The following RFWD3 variants were observed in gnomAD, a reference collection of about 807,000 sequenced individuals.
RFWD3 encodes E3 ubiquitin-protein ligase RFWD3.
Under a neutral mutation model 87.7 loss-of-function variants are expected in RFWD3, and 65 were observed. The ratio of observed to expected loss-of-function variants is 0.74; its 90% CI spans 0.61 to 0.91. RFWD3 has a LOEUF of 0.91. Ranked by LOEUF, RFWD3 falls within the 40% of genes least tolerant of loss-of-function variation. The pLI, the probability that RFWD3 is intolerant of heterozygous loss-of-function variation, is 0.00. For missense variants in RFWD3, 1,078 were observed against 938.5 expected (o/e 1.15, Z -1.94); for synonymous variants, 433 against 352.8 (o/e 1.23, Z -2.55).
chr16:74,652,031 C>A lies in RFWD3; in HGVS notation c.610G>T (p.Val204Leu). 6.2e-7 allele frequency: 1 copy of A among 1,614,132 alleles called. No homozygotes were observed. Among genetic ancestry groups the A allele is most frequent in the Non-Finnish European group, 8.5e-7 (1 of 1,180,008 alleles). Residue 204 changes from valine (V) to leucine (L), a missense_variant, in exon 3 of 13, where the codon GTA becomes TTA. Coordinates refer to ENST00000361070, the MANE Select transcript of RFWD3 (RefSeq NM_018124.4). The part of the protein sequence containing the change: ...TTYDSETRNP[V>L]SEELQVSSSS... ...CTAGACACCTGCAACTCTTCAGATACAGGATTCCTAGTCTCTGAATCATAA... is the reference window on the plus strand; with the variant it reads ...CTAGACACCTGCAACTCTTCAGATAAAGGATTCCTAGTCTCTGAATCATAA...
chr16:74,632,513 A>C lies in RFWD3; in HGVS notation c.1577+10T>G, dbSNP rs1429749924. 3.7e-6 allele frequency: 6 copies of C among 1,613,514 alleles called. No homozygotes were observed. The South Asian group carries it at 5.5e-5, about 15-fold the overall frequency. ...AGCCCAGTCTCCACCTACTTCCCCA[A>C]ATCACTCACCTGGTCAGTTTAATAG... On this transcript the variant is annotated intron_variant, in intron 9 of 12. Transcript: ENST00000361070.
chr16:74,645,267 GA>G (rs1183570178), intron 4 of RFWD3, among the ~76,000 whole-genome samples: 1 of 152,184 alleles, frequency 6.6e-6, no homozygotes, highest in Non-Finnish European at 1.5e-5. Flanking sequence ...CACATTTCTG[GA>G]GCACCATTTG....
chr16:74,644,000 A>G (rs926156690), intron 6 of RFWD3: 2 of 287,556 alleles, frequency 7.0e-6, no homozygotes, highest in Non-Finnish European at 1.4e-5. Flanking sequence ...TGTGCTTCCG[A>G]AATCCTGGTA....
At chr16:74,627,720 T>C (rs551658420) in intron 11 of RFWD3, among the ~76,000 whole-genome samples, 36 of 152,176 alleles carry the variant, frequency 2.4e-4, no homozygotes, top group Non-Finnish European at 4.3e-4. Context: ...TGGTCATGGG[T>C]CAGGCAGGCA....
Position 74,630,957 on chromosome 16 carries a change from G to A in RFWD3, c.1578C>T (p.Ser526=), listed in dbSNP as rs746627849. The A allele has an allele frequency of 6.3e-7, 1 of 1,597,802 alleles. No individual in the cohort carries two copies. Among genetic ancestry groups the A allele is most frequent in the Non-Finnish European group, 8.5e-7 (1 of 1,175,744 alleles). ...ASLDNTIKLT[S]LETNTVVQTY... is the part of the protein sequence containing the mutation. ...TCTGGACCACGGTATTTGTCTCCAG[G>A]CTGTGGAGTTACAAAAGACTTTTAC... is the stretch of plus-strand genomic sequence containing the variant. The change falls in exon 10 of 13, where the codon AGC becomes AGT. Residue 526 remains serine, a splice_region_variant and synonymous_variant. Coordinates refer to ENST00000361070, the MANE Select transcript of RFWD3 (RefSeq NM_018124.4).
intron 6 of RFWD3, among the ~76,000 whole-genome samples, chr16:74,641,431 G>C (rs1959634635): frequency 6.6e-6 from 1 of 150,780 alleles, no homozygotes; most frequent in Non-Finnish European, 1.5e-5. Context: ...TCAAAGTGCT[G>C]GGATTATAGG....
At chr16:74,666,095 G>A (rs992431340) in intron 1 of RFWD3, among the ~76,000 whole-genome samples, 17 of 152,026 alleles carry the variant, frequency 1.1e-4, no homozygotes, top group Admixed American at 7.2e-4. Context: ...AGACGGGAGG[G>A]GAAGGGAGAG....
At chr16:74,636,685 T>A in intron 7 of RFWD3, 108 bp from the exon 8 acceptor site, 1 of 846,346 alleles carries the variant, frequency 1.2e-6, no homozygotes, top group Non-Finnish European at 1.8e-6. Context: ...TATATGAAAG[T>A]GTTAACATGA....
Position 74,649,114 on chromosome 16 carries a change from A to C in RFWD3, c.792+18T>G. ...ATAAATAAATAAATAGATTTTTTTA[A>C]AATGATGTTCATATTACCTGTTTGG... On this transcript the variant is annotated intron_variant, in intron 4 of 12. Coordinates refer to ENST00000361070, the MANE Select transcript of RFWD3 (RefSeq NM_018124.4). The C allele has an allele frequency of 6.5e-7, 1 of 1,526,826 alleles. No individual in the cohort carries two copies. The highest frequency in any genetic ancestry group is 8.9e-7 in the Non-Finnish European group (1 of 1,122,110). The allele number at this position is 1,526,826 out of a possible 1,614,324, so 94.6% of individuals were successfully genotyped here.
chr16:74,628,364 C>A, intron 11 of RFWD3, 88 bp downstream of exon 11: 1 of 1,259,596 alleles, frequency 7.9e-7, no homozygotes, highest in Admixed American at 1.8e-5. Context: ...GGTACCACAG[C>A]CACCCAAAGG....
rs766827430 is a variant in RFWD3, at chr16:74,652,097, A to G, written c.544T>C (p.Phe182Leu). The change falls in exon 3 of 13, where the codon TTT (phenylalanine) becomes CTT (leucine). Residue 182 changes from phenylalanine (F) to leucine (L), a missense_variant. Transcript: ENST00000361070. ...TCAGGCTGGGTCCTGCTCACCTGAA[A>G]GTAAGCATCCAATGGTGCTCTCAAC... ...ARLRAPLDAYFQVSRTQPDLP... is the reference protein window; with the variant it reads ...ARLRAPLDAYLQVSRTQPDLP... The G allele has an allele frequency of 6.2e-7, 1 of 1,614,118 alleles. No individual in the cohort carries two copies. The highest frequency in any genetic ancestry group is 8.5e-7 in the Non-Finnish European group (1 of 1,180,016).
rs775402876 is a variant in RFWD3, at chr16:74,637,979, G to A, written c.1080-9C>T. ...GTTCCTTCAGTAGGGAACTAGAGGG[G>A]GAAAGCCAGCAACAAGTGGGGATTA... On this transcript the variant is annotated splice_polypyrimidine_tract_variant and intron_variant, in intron 6 of 12. Transcript: ENST00000361070. The A allele has an allele frequency of 1.9e-6, 3 of 1,593,854 alleles. No individual in the cohort carries two copies. Among genetic ancestry groups the A allele is most frequent in the Non-Finnish European group, 2.6e-6 (3 of 1,166,144 alleles).
chr16:74,640,160 T>C (rs77312640), intron 6 of RFWD3, among the ~76,000 whole-genome samples: 1 of 151,812 alleles, frequency 6.6e-6, no homozygotes, highest in Admixed American at 6.6e-5. Context: ...TTTTTTTTTT[T>C]TTGAAACAGT....
intron 1 of RFWD3, chr16:74,664,831 G>A: frequency 6.6e-6 from 1 of 152,186 alleles, no homozygotes. Context: ...CATAGGGCGG[G>A]TGACTCCCAT....
At position 74,621,703 on chromosome 16, in the gene RFWD3, GTTTT is replaced by G. The variant is rs143335463; in HGVS notation, c.*2221_*2224del. The G allele has an allele frequency of 2.0e-5, 3 of 149,570 alleles. No homozygotes were observed. Among genetic ancestry groups the G allele is most frequent in the Non-Finnish European group, 3.0e-5 (2 of 67,656 alleles). The allele number at this position is 149,570 out of a possible 1,614,324, so 9.3% of individuals were successfully genotyped here. ...CATCAGGGTTTTTTTTTGTTTGTTT[GTTTT>G]TTTTGAGATGGAGTCTTGCTCTGTC... is the stretch of plus-strand genomic sequence containing the variant. On this transcript the variant is annotated 3_prime_UTR_variant, in exon 13 of 13. Coordinates refer to ENST00000361070, the MANE Select transcript of RFWD3 (RefSeq NM_018124.4).
chr16:74,647,229 T>C (rs951142612), intron 4 of RFWD3, among the ~76,000 whole-genome samples: 7 of 152,098 alleles, frequency 4.6e-5, no homozygotes, highest in Admixed American at 2.0e-4. Context: ...TGTTTTGACA[T>C]TGGAAGAATT....
At chr16:74,625,970 G>A (rs891862622) in intron 12 of RFWD3, among the ~76,000 whole-genome samples, 3 of 152,176 alleles carry the variant, frequency 2.0e-5, no homozygotes, top group Non-Finnish European at 4.4e-5. Flanking sequence ...CAGATCACTT[G>A]AGGTCAGGAG....
Position 74,637,863 on chromosome 16 carries a change from C to A in RFWD3, c.1187G>T (p.Arg396Leu), listed in dbSNP as rs757213550. 1 of 1,611,324 alleles carries A rather than the reference C, an allele frequency of 6.2e-7. No homozygotes were observed. Residue 396 changes from arginine to leucine, a missense_variant, in exon 7 of 13, where the codon CGT becomes CTT. Coordinates refer to ENST00000361070, the MANE Select transcript of RFWD3 (RefSeq NM_018124.4). Reference sequence around the variant, plus strand: ...TAGAAAGGACAAACGTACCTGAACACGCCTTTGAAGCCTAGTGCACTTATC... The same window carrying A: ...TAGAAAGGACAAACGTACCTGAACAAGCCTTTGAAGCCTAGTGCACTTATC... Reference protein sequence around the residue: ...LTDKCTRLQRRVQDLQKLTSH... With the variant: ...LTDKCTRLQRLVQDLQKLTSH...
At chr16:74,638,330 A>C (rs1959326794) in intron 6 of RFWD3, among the ~76,000 whole-genome samples, 1 of 152,156 alleles carries the variant, frequency 6.6e-6, no homozygotes, top group Admixed American at 6.5e-5. Flanking sequence ...GTTGTTCATG[A>C]GATACTCAAA....
Sources: allele counts gnomAD v4.1 joint callset (sites outside exome capture counted in the v4.1 genomes callset), GRCh38; gene constraint gnomAD v4.1.1; transcripts MANE v1.5; gene names NCBI Gene and HGNC (gene_info 2026-07-23, HGNC 2026-07-21).